Variants in DAB1 observed in about 807,000 individuals in gnomAD.
DAB1 encodes the protein disabled homolog 1.
In DAB1, 15 loss-of-function variants were observed where a neutral mutation model predicts 64.6. That is an observed-to-expected ratio of 0.23 (90% confidence interval 0.16 to 0.36). The LOEUF (loss-of-function observed/expected upper bound fraction) is 0.36, where lower values mean the gene tolerates loss of function less well. Ranked by LOEUF, DAB1 falls within the 10% of genes least tolerant of loss-of-function variation. The pLI, the probability that DAB1 is intolerant of heterozygous loss-of-function variation, is 1.00. For synonymous variants in DAB1, 235 were observed against 251.9 expected (o/e 0.93, Z 0.64); for missense variants, 596 against 706.7 (o/e 0.84, Z 1.78).
intron 1 of DAB1, among the ~76,000 whole-genome samples, chr1:57,850,672 C>T (rs1653482577): frequency 2.0e-5 from 3 of 152,272 alleles, no homozygotes; most frequent in Middle Eastern, 3.4e-3. Flanking sequence ...CGGGCTGGAC[C>T]CCTTCCATCT....
intron 4 of DAB1, among the ~76,000 whole-genome samples, chr1:58,161,184 T>C (rs554176582): frequency 1.3e-5 from 2 of 152,208 alleles, no homozygotes; most frequent in South Asian, 4.1e-4. Context: ...TTTAATAACA[T>C]TTACTGAATG....
At chr1:58,410,362 C>T (rs1259434256) in intron 3 of DAB1, among the ~76,000 whole-genome samples, 1 of 152,146 alleles carries the variant, frequency 6.6e-6, no homozygotes, top group African/African-American at 2.4e-5. Flanking sequence ...TAGGGAATGG[C>T]TCCTTCATCC....
intron 5 of DAB1, among the ~76,000 whole-genome samples, chr1:57,931,276 C>T (rs1346245849): frequency 6.6e-6 from 1 of 152,152 alleles, no homozygotes; most frequent in African/African-American, 2.4e-5. Flanking sequence ...AGGATTTTTA[C>T]ATCTCATCAT....
chr1:58,408,056 C>T (rs1354978470), intron 3 of DAB1, among the ~76,000 whole-genome samples: 2 of 152,182 alleles, frequency 1.3e-5, no homozygotes, highest in African/African-American at 2.4e-5. Flanking sequence ...GACCAGCAGC[C>T]TCAGCATCGC....
intron 6 of DAB1, among the ~76,000 whole-genome samples, chr1:57,722,473 A>G (rs1421885367): frequency 1.3e-5 from 2 of 152,202 alleles, no homozygotes; most frequent in African/African-American, 2.4e-5. Context: ...CAATGCTGTC[A>G]TCATGACTTA....
rs1378479798 is a variant in DAB1, at chr1:57,612,828, A to T, written n.625+36764T>A. 2.6e-5 allele frequency among the ~76,000 whole-genome samples: 4 copies of T among 152,290 alleles called. 1 individual carries two copies. In the East Asian group the frequency reaches 7.7e-4, roughly 29 times the overall value. ...AATGTAAACTGTAAACTTTATAAAT[A>T]TAGGGATTATTTCCTAGAATAGTGC... is the stretch of plus-strand genomic sequence containing the variant. On this transcript the variant is annotated intron_variant and non_coding_transcript_variant, in intron 7 of 20. Coordinates refer to the DAB1 transcript ENST00000485760.
At chr1:58,482,829 C>T (rs1012559959) in intron 3 of DAB1, among the ~76,000 whole-genome samples, 3 of 152,020 alleles carry the variant, frequency 2.0e-5, no homozygotes, top group Admixed American at 6.6e-5. Context: ...CAGGTACAGC[C>T]GAGTGGAGCA....
chr1:57,035,592 G>A (rs1041419153), intron 9 of DAB1, among the ~76,000 whole-genome samples: 12 of 152,090 alleles, frequency 7.9e-5, no homozygotes, highest in Non-Finnish European at 1.5e-4. Flanking sequence ...GATATGGACC[G>A]GGTCTTGGTC....
intron 6 of DAB1, among the ~76,000 whole-genome samples, chr1:57,712,389 T>C (rs2101746891): frequency 6.6e-6 from 1 of 152,372 alleles, no homozygotes; most frequent in South Asian, 2.1e-4. Context: ...GAATAATATC[T>C]GTATCACAAG....
chr1:57,592,310 A>G (rs1379284129), intron 7 of DAB1, among the ~76,000 whole-genome samples: 4 of 152,182 alleles, frequency 2.6e-5, no homozygotes, highest in Admixed American at 1.3e-4. Context: ...AAATGAAGCC[A>G]CCAGGTCTGT....
chr1:58,429,664 T>C (rs953430699), intron 3 of DAB1, among the ~76,000 whole-genome samples: 1 of 152,148 alleles, frequency 6.6e-6, no homozygotes, highest in Non-Finnish European at 1.5e-5. Context: ...AGAGACTGCA[T>C]GGAGTAGTGG....
chr1:57,741,007 A>G (rs1172750315), intron 6 of DAB1, among the ~76,000 whole-genome samples: 1 of 152,156 alleles, frequency 6.6e-6, no homozygotes, highest in Admixed American at 6.5e-5. Flanking sequence ...CTGATTCATT[A>G]AGACCAATTT....
intron 6 of DAB1, among the ~76,000 whole-genome samples, chr1:57,700,485 T>C (rs76224821): frequency 1.3e-5 from 2 of 152,286 alleles, no homozygotes; most frequent in African/African-American, 4.8e-5. Context: ...CTGTGGATAT[T>C]TGTCTAAGCA....
intron 2 of DAB1, among the ~76,000 whole-genome samples, chr1:58,522,944 G>A (rs1478995621): frequency 2.0e-5 from 3 of 152,122 alleles, no homozygotes; most frequent in East Asian, 3.9e-4. Flanking sequence ...GAGGTAGAAC[G>A]GGAGACAGGA....
intron 6 of DAB1, among the ~76,000 whole-genome samples, chr1:57,675,160 A>G (rs545641431): frequency 9.9e-5 from 15 of 152,236 alleles, no homozygotes; most frequent in Admixed American, 2.0e-4. Flanking sequence ...ACTGGGCTTC[A>G]TGCAAGTAAG....
At chr1:57,763,119 T>C (rs1649158336) in intron 6 of DAB1, among the ~76,000 whole-genome samples, 1 of 152,208 alleles carries the variant, frequency 6.6e-6, no homozygotes, top group Non-Finnish European at 1.5e-5. Context: ...ACACAGGATG[T>C]ATCACATAGT....
intron 2 of DAB1, among the ~76,000 whole-genome samples, chr1:57,145,720 T>C (rs2100825609): frequency 6.6e-6 from 1 of 152,334 alleles, no homozygotes; most frequent in East Asian, 1.9e-4. Flanking sequence ...TCAGATAATA[T>C]GTGTGAAGCA....
At chr1:57,997,603 G>A (rs1570196405) in intron 5 of DAB1, among the ~76,000 whole-genome samples, 1 of 152,098 alleles carries the variant, frequency 6.6e-6, no homozygotes, top group Non-Finnish European at 1.5e-5. Context: ...ATCCGATTTG[G>A]GGAGGATACC....
chr1:57,251,292 A>G (rs1042922204), intron 2 of DAB1, among the ~76,000 whole-genome samples: 16 of 152,350 alleles, frequency 1.1e-4, no homozygotes, highest in African/African-American at 3.6e-4. Flanking sequence ...CTGCCAACTT[A>G]CAGGGCCATT....
Sources: gnomAD v4.1 joint callset for allele counts (sites outside exome capture counted in the v4.1 genomes callset) on GRCh38, gnomAD v4.1.1 for gene constraint, MANE v1.5 for transcripts, NCBI Gene and HGNC (gene_info 2026-07-23, HGNC 2026-07-21) for gene names.